Variants in TARBP1 observed in about 807,000 individuals in gnomAD.
TARBP1 encodes the protein tRNA (guanosine(18)-2'-O)-methyltransferase TARBP1.
Under a neutral mutation model 178.6 loss-of-function variants are expected in TARBP1, and 144 were observed. That is an observed-to-expected ratio of 0.81 (90% CI 0.70 to 0.93). The LOEUF (loss-of-function observed/expected upper bound fraction) is 0.93. Among genes scored for constraint, TARBP1 ranks in the 40% least tolerant of loss-of-function variants. The pLI is 0.00. For missense variants in TARBP1, 2,067 were observed against 2,011.7 expected (o/e 1.03, Z -0.53); for synonymous variants, 787 against 781.0 (o/e 1.01, Z -0.13).
chr1:234,468,381 A>G (rs1025009827), intron 3 of TARBP1, among the ~76,000 whole-genome samples: 2 of 151,294 alleles, frequency 1.3e-5, no homozygotes, highest in African/African-American at 4.9e-5. Context: ...AATCGCTTGA[A>G]CCCTTGAACT....
At chr1:234,405,564 A>G (rs1262535936) in intron 24 of TARBP1, 1 of 222,532 alleles carries the variant, frequency 4.5e-6, no homozygotes, top group African/African-American at 2.3e-5. Flanking sequence ...GTATGTCTTT[A>G]AAGTCAGGTC....
At chr1:234,450,165 C>G (rs964217349) in intron 10 of TARBP1, among the ~76,000 whole-genome samples, 1 of 137,014 alleles carries the variant, frequency 7.3e-6, no homozygotes, top group Non-Finnish European at 1.6e-5. Flanking sequence ...GACTTTGCAT[C>G]CACTTCTTAA....
At position 234,478,273 on chromosome 1, in the gene TARBP1, G is replaced by A. The variant is rs1669763055; in HGVS notation, c.831C>T (p.Asp277=). The A allele has an allele frequency of 6.3e-7, 1 of 1,591,408 alleles. No individual in the cohort carries two copies. Among genetic ancestry groups the A allele is most frequent in the Non-Finnish European group, 8.5e-7 (1 of 1,171,040 alleles). The stretch of plus-strand genomic sequence containing the variant: ...AGCGCGCTCGCTTGCGCGTCAGGGC[G>A]TCCGCCTGGCCCAGCCCCGCCTGCA... ...RTVQAGLGQA[D]ALTRKRARYL... Residue 277 remains aspartate (D), a synonymous_variant, in exon 1 of 30, where the codon GAC becomes GAT. Transcript: ENST00000040877.
At chr1:234,406,140 G>A in intron 23 of TARBP1, 41 bp from the exon 24 acceptor site, 1 of 1,584,304 alleles carries the variant, frequency 6.3e-7, no homozygotes, top group Non-Finnish European at 8.6e-7. Flanking sequence ...CACAGACATG[G>A]ACCATTTTAC....
At chr1:234,455,771 A>C (rs1667210205) in intron 9 of TARBP1, among the ~76,000 whole-genome samples, 3 of 152,190 alleles carry the variant, frequency 2.0e-5, no homozygotes, top group Admixed American at 6.5e-5. Flanking sequence ...AGGAACTAAA[A>C]AAAAATTATT....
At chr1:234,455,967 G>GC (rs1667229045) in intron 9 of TARBP1, among the ~76,000 whole-genome samples, 1 of 152,092 alleles carries the variant, frequency 6.6e-6, no homozygotes, top group Non-Finnish European at 1.5e-5. Flanking sequence ...TCAGAGTAAT[G>GC]CAAATAAAGT....
In TARBP1 at chr1:234,425,650, AATTT is replaced by A. The variant is rs1223857868; in HGVS notation, c.3444+19_3444+22del. On this transcript the variant is annotated intron_variant, in intron 20 of 29. Coordinates refer to ENST00000040877, the MANE Select transcript of TARBP1 (RefSeq NM_005646.4). ...ACCTCTGACTGTTAAAAACAAAGAT[AATTT>A]AAAGTAAAATACACTTACTTTATCT... 8 of 1,488,924 alleles carry A rather than the reference AATTT, an allele frequency of 5.4e-6. No individual in the cohort carries two copies. Among genetic ancestry groups the A allele is most frequent in the African/African-American group, 1.4e-5 (1 of 72,780 alleles). The allele number at this position is 1,488,924 out of a possible 1,614,324, so 92.2% of individuals were successfully genotyped here.
intron 24 of TARBP1, among the ~76,000 whole-genome samples, chr1:234,403,932 C>G (rs1660961589): frequency 6.6e-6 from 1 of 152,218 alleles, no homozygotes; most frequent in South Asian, 2.1e-4. Context: ...AGGCGATCCA[C>G]CTACCTTGGC....
chr1:234,421,003 CTGAG>C (rs1381913569), intron 20 of TARBP1, among the ~76,000 whole-genome samples, 191 bp from the exon 21 acceptor site: 1 of 152,214 alleles, frequency 6.6e-6, no homozygotes, highest in Middle Eastern at 3.4e-3. Context: ...ACATTTTGGG[CTGAG>C]TGATTAAGAA....
intron 2 of TARBP1, among the ~76,000 whole-genome samples, chr1:234,471,818 G>A (rs541330809): frequency 1.3e-5 from 2 of 152,284 alleles, no homozygotes; most frequent in African/African-American, 4.8e-5. Flanking sequence ...ATTTAGAAAT[G>A]CTTTTTCTTT....
At chr1:234,478,092 G>A in intron 1 of TARBP1, 81 bp downstream of exon 1, 3 of 1,393,178 alleles carry the variant, frequency 2.2e-6, no homozygotes, top group East Asian at 2.6e-5. Context: ...ACCCCGATAA[G>A]CTAGTTTTTA....
rs888035262 is a variant in TARBP1 at position 234,434,048 on chromosome 1, GA to G, written c.2233-478del. ...GCACATTTTTTGACTCATAAACCCAGAAAAAAATGGGTTCAGCTCTACCATG... is the reference window on the plus strand; with the variant it reads ...GCACATTTTTTGACTCATAAACCCAGAAAAAATGGGTTCAGCTCTACCATG... On this transcript the variant is annotated intron_variant, in intron 13 of 29. Transcript: ENST00000040877. 5.3e-5 allele frequency among the ~76,000 whole-genome samples: 8 copies of G among 152,214 alleles called. No individual in the cohort carries two copies. The South Asian group carries it at 1.7e-3, about 32-fold the overall frequency.
intron 21 of TARBP1, among the ~76,000 whole-genome samples, chr1:234,420,149 T>C (rs949308238): frequency 1.2e-4 from 18 of 152,240 alleles, no homozygotes; most frequent in Non-Finnish European, 2.5e-4. Context: ...CATTCAACTG[T>C]TTCTTGCCTC....
intron 29 of TARBP1, among the ~76,000 whole-genome samples, chr1:234,392,073 A>G (rs999115953): frequency 6.6e-6 from 1 of 152,240 alleles, no homozygotes; most frequent in Admixed American, 6.5e-5. Context: ...AAAACAGAAA[A>G]GTAACATCTT....
At chr1:234,455,815 A>G (rs1667214204) in intron 9 of TARBP1, among the ~76,000 whole-genome samples, 1 of 152,216 alleles carries the variant, frequency 6.6e-6, no homozygotes, top group Non-Finnish European at 1.5e-5. Flanking sequence ...AATACCCTCA[A>G]TATAAAAAGA....
At chr1:234,476,688 T>A (rs1196882955) in intron 1 of TARBP1, among the ~76,000 whole-genome samples, 1 of 152,208 alleles carries the variant, frequency 6.6e-6, no homozygotes, top group African/African-American at 2.4e-5. Context: ...GCATTTACAG[T>A]CATAATTTTA....
chr1:234,478,750 G>C lies in TARBP1; in HGVS notation c.354C>G (p.Ala118=). Residue 118 remains alanine (A), a synonymous_variant, in exon 1 of 30, where the codon GCC becomes GCG. Coordinates refer to ENST00000040877, the MANE Select transcript of TARBP1 (RefSeq NM_005646.4). ...CGCGCAGCGCCTCCTCAGCCAGCGC[G>C]GCCGCCAGCTGCGGACGCCCGGCCA... ...VRLAGRPQLA[A]ALAEEALRDL... The C allele has an allele frequency of 8.6e-7, 1 of 1,165,642 alleles. No individual in the cohort carries two copies. The highest frequency in any genetic ancestry group is 1.1e-6 in the Non-Finnish European group (1 of 946,876). The allele number at this position is 1,165,642 out of a possible 1,614,324, so 72.2% of individuals were successfully genotyped here.
chr1:234,449,709 C>T (rs934205562), intron 10 of TARBP1, among the ~76,000 whole-genome samples: 1 of 152,088 alleles, frequency 6.6e-6, no homozygotes, highest in Non-Finnish European at 1.5e-5. Flanking sequence ...ATTCCATGGT[C>T]AGATTAAAGA....
At chr1:234,466,009 G>C (rs1668397037) in intron 4 of TARBP1, among the ~76,000 whole-genome samples, 1 of 151,968 alleles carries the variant, frequency 6.6e-6, no homozygotes, top group South Asian at 2.1e-4. Flanking sequence ...ACATATGCTA[G>C]AAAATAAAGG....
Sources: allele counts gnomAD v4.1 joint callset (sites outside exome capture counted in the v4.1 genomes callset), GRCh38; gene constraint gnomAD v4.1.1; transcripts MANE v1.5; gene names NCBI Gene and HGNC (gene_info 2026-07-23, HGNC 2026-07-21).